The following ORMDL1 variants were observed in gnomAD, a reference collection of about 807,000 sequenced individuals.
ORMDL1 encodes ORMDL sphingolipid biosynthesis regulator 1.
ORMDL1 carries 10 observed loss-of-function variants against 13.0 expected under a neutral mutation model. That is an observed-to-expected ratio of 0.77 (90% CI 0.47 to 1.30). The LOEUF (loss-of-function observed/expected upper bound fraction) is 1.30. Ranked by LOEUF, ORMDL1 falls within the 50% of genes most tolerant of loss-of-function variation. ORMDL1 has a pLI of 0.00. For missense variants in ORMDL1, 171 were observed against 186.7 expected (o/e 0.92, Z 0.49); for synonymous variants, 61 against 63.9 (o/e 0.95, Z 0.22).
chr2:189,773,346 A>G (rs2047621182), intron 4 of ORMDL1, among the ~76,000 whole-genome samples: 1 of 152,180 alleles, frequency 6.6e-6, no homozygotes, highest in South Asian at 2.1e-4. Context: ...GTATTACAAG[A>G]TAGTAGTTTA....
chr2:189,773,343 A>G (rs1463270108), intron 4 of ORMDL1, among the ~76,000 whole-genome samples: 1 of 152,234 alleles, frequency 6.6e-6, no homozygotes, highest in African/African-American at 2.4e-5. Flanking sequence ...CCTGTATTAC[A>G]AGATAGTAGT....
intron 3 of ORMDL1, among the ~76,000 whole-genome samples, chr2:189,780,294 A>T (rs960042887): frequency 7.9e-5 from 12 of 152,208 alleles, no homozygotes; most frequent in Non-Finnish European, 1.5e-4. Flanking sequence ...AAAGTTTCTA[A>T]TTTTAGAACA....
At chr2:189,778,193 G>C (rs902444157) in intron 3 of ORMDL1, 2 of 420,746 alleles carry the variant, frequency 4.8e-6, no homozygotes, top group Admixed American at 5.7e-5. Context: ...TTGGGAGTTC[G>C]AGACCAGCCT....
intron 4 of ORMDL1, 102 bp downstream of exon 4, chr2:189,775,462 AG>A: frequency 7.9e-7 from 1 of 1,268,210 alleles, no homozygotes; most frequent in Non-Finnish European, 1.1e-6. Context: ...ACTTATTGAT[AG>A]AAGTTTGCAA....
At chr2:189,782,669 T>C (rs771005775) in intron 2 of ORMDL1, 67 bp from the exon 3 acceptor site, 195 of 1,431,846 alleles carry the variant, frequency 1.4e-4, no homozygotes, top group Non-Finnish European at 1.8e-4. Context: ...AATTCTGACA[T>C]GACAAGGTAC....
intron 3 of ORMDL1, among the ~76,000 whole-genome samples, chr2:189,779,966 C>G (rs1052598162): frequency 7.2e-5 from 11 of 152,156 alleles, no homozygotes; most frequent in Non-Finnish European, 1.6e-4. Flanking sequence ...CTCTAAACAG[C>G]CTGTTTGGAC....
intron 4 of ORMDL1, among the ~76,000 whole-genome samples, chr2:189,772,862 C>G (rs2047608475): frequency 6.6e-6 from 1 of 152,120 alleles, no homozygotes. Flanking sequence ...AAAAACATCA[C>G]AAGAGAATTT....
At chr2:189,782,098 A>G (rs1013924822) in intron 3 of ORMDL1, among the ~76,000 whole-genome samples, 3 of 152,106 alleles carry the variant, frequency 2.0e-5, no homozygotes, top group Admixed American at 6.5e-5. Flanking sequence ...ATGCGCCACC[A>G]TGCCCGGCTA....
intron 3 of ORMDL1, among the ~76,000 whole-genome samples, chr2:189,777,290 G>A (rs1254778636): frequency 1.3e-5 from 2 of 152,092 alleles, no homozygotes; most frequent in Admixed American, 6.6e-5. Context: ...ATGACATTAC[G>A]CCAAGGAGTA....
In ORMDL1 at chr2:189,775,725, C is replaced by A. The variant is rs751596051; in HGVS notation, c.175-9G>T. 3 of 1,611,062 alleles carry A rather than the reference C, an allele frequency of 1.9e-6. No individual in the cohort carries two copies. The highest frequency in any genetic ancestry group is 3.4e-5 in the Admixed American group (2 of 59,366). On this transcript the variant is annotated splice_polypyrimidine_tract_variant and intron_variant, in intron 3 of 4. Coordinates refer to ENST00000392349, the MANE Select transcript of ORMDL1 (RefSeq NM_016467.5). ...AAAAATACGTACATCCCCTGGAAAA[C>A]AAGCAAGGGGTTATAAATGATCAAT...
intron 4 of ORMDL1, 54 bp downstream of exon 4, chr2:189,775,511 A>G (rs1472888258): frequency 1.4e-6 from 2 of 1,479,286 alleles, no homozygotes; most frequent in South Asian, 1.3e-5. Context: ...TCTGATGAAA[A>G]GATATCTTCC....
intron 4 of ORMDL1, chr2:189,775,130 T>G: frequency 6.5e-6 from 1 of 153,620 alleles, no homozygotes; most frequent in Non-Finnish European, 1.4e-5. Flanking sequence ...CCTGACCTAC[T>G]TTTTTCGAAA....
intron 3 of ORMDL1, among the ~76,000 whole-genome samples, chr2:189,779,734 C>T (rs2106154236): frequency 6.6e-6 from 1 of 152,234 alleles, no homozygotes; most frequent in Non-Finnish European, 1.5e-5. Context: ...ATCAAGAAGA[C>T]TATTTGATTT....
chr2:189,765,263 C>T, the ORMDL1 span: 3 of 152,160 alleles, frequency 2.0e-5, no homozygotes, highest in Non-Finnish European at 4.4e-5. Context: ...CAGATAAGGT[C>T]CATTCTCTGT....
At chr2:189,774,843 T>G in intron 4 of ORMDL1, 1 of 152,202 alleles carries the variant, frequency 6.6e-6, no homozygotes, top group East Asian at 1.9e-4. Context: ...GAAATGCTGC[T>G]TAGAAGGCCA....
At chr2:189,774,032 T>G (rs1271585091) in intron 4 of ORMDL1, 2 of 152,168 alleles carry the variant, frequency 1.3e-5, no homozygotes, top group Non-Finnish European at 2.9e-5. Context: ...GTTTTACAGA[T>G]GAGAAAACTG....
chr2:189,770,239 T>C (rs536296616), downstream of ORMDL1: 4 of 152,306 alleles, frequency 2.6e-5, no homozygotes, highest in African/African-American at 9.6e-5. Context: ...TTTGTTACTT[T>C]AATTTTACGA....
chr2:189,781,250 A>G (rs1349501383), intron 3 of ORMDL1, among the ~76,000 whole-genome samples: 3 of 152,112 alleles, frequency 2.0e-5, no homozygotes, highest in South Asian at 2.1e-4. Flanking sequence ...TTAAAAATCA[A>G]TTTCTCCTGT....
chr2:189,767,162 T>C (rs998398098), downstream of ORMDL1, among the ~76,000 whole-genome samples: 1 of 152,218 alleles, frequency 6.6e-6, no homozygotes, highest in African/African-American at 2.4e-5. Context: ...TTTTGAGGAA[T>C]CTCCATACTC....
Sources: allele counts gnomAD v4.1 joint callset (sites outside exome capture counted in the v4.1 genomes callset), GRCh38; gene constraint gnomAD v4.1.1; transcripts MANE v1.5; gene names NCBI Gene and HGNC (gene_info 2026-07-23, HGNC 2026-07-21).